FAM53B: variants seen among roughly 807,000 people sequenced by gnomAD.
The protein encoded by FAM53B is protein FAM53B.
FAM53B carries 12 observed loss-of-function variants against 32.7 expected under a neutral mutation model. The ratio of observed to expected loss-of-function variants is 0.37; its 90% CI spans 0.24 to 0.59. FAM53B has a LOEUF of 0.59. FAM53B is among the 20% of genes least tolerant of loss of function. The probability of loss-of-function intolerance (pLI) is 0.72; values close to 1 mark genes in which losing one functional copy is unlikely to be tolerated. For missense variants in FAM53B, 477 were observed against 577.7 expected, an observed-to-expected ratio of 0.83 and a Z score of 1.79; for synonymous variants, 234 against 228.7, an observed-to-expected ratio of 1.02 and a Z score of -0.21.
intron 1 of FAM53B, chr10:124,742,337 A>G (rs551587175): frequency 6.6e-6 from 1 of 152,362 alleles, no homozygotes. Flanking sequence ...CTGCAATTCA[A>G]TATCAAAACT....
At chr10:124,644,079 G>A (rs1949495167) in intron 4 of FAM53B, among the ~76,000 whole-genome samples, 1 of 152,128 alleles carries the variant, frequency 6.6e-6, no homozygotes, top group East Asian at 1.9e-4. Context: ...CCCGGTGCCT[G>A]CTCCCAGGGC....
chr10:124,720,365 C>T (rs1450599362), intron 1 of FAM53B, among the ~76,000 whole-genome samples: 1 of 152,058 alleles, frequency 6.6e-6, no homozygotes, highest in Non-Finnish European at 1.5e-5. Context: ...ACTCAGGAGG[C>T]GGAAGCAAGA....
In FAM53B at chr10:124,623,098, TG is replaced by T; in HGVS notation, c.*143del. 1 of 1,095,664 alleles carries T rather than the reference TG, an allele frequency of 9.1e-7. No homozygotes were observed. The highest frequency in any genetic ancestry group is 1.3e-6 in the Non-Finnish European group (1 of 774,066). The allele number at this position is 1,095,664 out of a possible 1,614,324, so 67.9% of individuals were successfully genotyped here. ...GCCAGGCTCTCCCCCAGGCAGCAGG[TG>T]GGCTCCCTCTCTGGGACCCGACACC... On this transcript the variant is annotated 3_prime_UTR_variant, in exon 5 of 5. Coordinates refer to ENST00000337318, the MANE Select transcript of FAM53B (RefSeq NM_014661.4).
At chr10:124,661,640 C>T (rs1444426542) in intron 4 of FAM53B, among the ~76,000 whole-genome samples, 1 of 152,218 alleles carries the variant, frequency 6.6e-6, no homozygotes, top group Non-Finnish European at 1.5e-5. Context: ...TTTTACTGTC[C>T]TCTGCCACCA....
chr10:124,723,759 T>C (rs542351882), intron 1 of FAM53B, among the ~76,000 whole-genome samples: 4 of 152,330 alleles, frequency 2.6e-5, no homozygotes, highest in South Asian at 4.1e-4. Context: ...GGAACCCCAG[T>C]GGGACAGGGA....
chr10:124,721,127 G>C (rs145964843), intron 1 of FAM53B, among the ~76,000 whole-genome samples: 1 of 152,216 alleles, frequency 6.6e-6, no homozygotes, highest in Non-Finnish European at 1.5e-5. Flanking sequence ...GCTTGAGTCC[G>C]AGAAGCGGAG....
At chr10:124,705,523 A>T (rs1160122509) in intron 2 of FAM53B, 1 of 152,302 alleles carries the variant, frequency 6.6e-6, no homozygotes, top group Non-Finnish European at 1.5e-5. Flanking sequence ...CATGGGCTTC[A>T]GCTGCGAGTT....
At chr10:124,704,603 G>A (rs145867108) in intron 2 of FAM53B, among the ~76,000 whole-genome samples, 5 of 152,300 alleles carry the variant, frequency 3.3e-5, no homozygotes, top group African/African-American at 4.8e-5. Context: ...GCAGGCTCAC[G>A]CTTGGCATAT....
At chr10:124,625,554 C>A (rs894398503) in intron 4 of FAM53B, among the ~76,000 whole-genome samples, 2 of 152,198 alleles carry the variant, frequency 1.3e-5, no homozygotes, top group Admixed American at 1.3e-4. Flanking sequence ...CTGGCCAGGC[C>A]TGGACGATGG....
intron 4 of FAM53B, among the ~76,000 whole-genome samples, chr10:124,644,172 A>G (rs1949495911): frequency 6.6e-6 from 1 of 152,086 alleles, no homozygotes; most frequent in South Asian, 2.1e-4. Flanking sequence ...CTTTGCAGCT[A>G]TTTGTCTACC....
At chr10:124,706,919 A>G in intron 1 of FAM53B, 32 bp from the exon 2 acceptor site, 1 of 1,423,320 alleles carries the variant, frequency 7.0e-7, no homozygotes, top group Non-Finnish European at 9.2e-7. Flanking sequence ...AAAAAGATTC[A>G]GGACTAAGAA....
At chr10:124,715,109 T>C (rs1368508393) in intron 1 of FAM53B, among the ~76,000 whole-genome samples, 1 of 152,236 alleles carries the variant, frequency 6.6e-6, no homozygotes, top group Non-Finnish European at 1.5e-5. Flanking sequence ...AAGTACTTGA[T>C]TTGTCAGCTA....
In FAM53B at chr10:124,664,973, C is replaced by T. The variant is rs541277759; in HGVS notation, c.906+16634G>A. Among the ~76,000 whole-genome samples, 30 of 152,344 alleles carry T rather than the reference C, an allele frequency of 2.0e-4. No individual in the cohort carries two copies. In the South Asian group the frequency reaches 5.6e-3, roughly 28 times the overall value. Reference sequence around the variant, plus strand: ...CTCCCCAAGGACAAACCTGACAAAGCTCCTTTTTCCCTGATGAACTTTCCC... The same window carrying T: ...CTCCCCAAGGACAAACCTGACAAAGTTCCTTTTTCCCTGATGAACTTTCCC... On this transcript the variant is annotated intron_variant, in intron 4 of 4. Coordinates refer to ENST00000337318, the MANE Select transcript of FAM53B (RefSeq NM_014661.4).
chr10:124,731,012 G>A (rs1173193379), intron 1 of FAM53B, among the ~76,000 whole-genome samples: 1 of 152,214 alleles, frequency 6.6e-6, no homozygotes, highest in Non-Finnish European at 1.5e-5. Context: ...TGTAGGCAGT[G>A]GGCCAGATTT....
At chr10:124,652,857 C>A in intron 4 of FAM53B, among the ~76,000 whole-genome samples, 1 of 152,140 alleles carries the variant, frequency 6.6e-6, no homozygotes, top group East Asian at 1.9e-4. Context: ...CAGGCTAGTC[C>A]CCAGGGCAGA....
At chr10:124,709,857 A>C (rs76387743) in intron 1 of FAM53B, among the ~76,000 whole-genome samples, 2 of 152,032 alleles carry the variant, frequency 1.3e-5, no homozygotes, top group African/African-American at 4.8e-5. Context: ...AAAAAAAAAA[A>C]ATAGAAGGAG....
intron 4 of FAM53B, among the ~76,000 whole-genome samples, chr10:124,624,628 G>A (rs751515905): frequency 3.3e-5 from 5 of 152,182 alleles, no homozygotes; most frequent in Non-Finnish European, 5.9e-5. Context: ...TGGGGCAGGA[G>A]GCAGCCTGGG....
In FAM53B at chr10:124,623,441, T is replaced by G. The variant is rs771184642; in HGVS notation, c.1070A>C (p.Glu357Ala). ...GTCGTCGAAGGAAGGGGGAAGAGGC[T>G]CAGGGACCGGGGTCCCAGCGGGGGT... ...GRTPAGTPVP[E>A]PLPPSFDDHL... Residue 357 changes from glutamate to alanine, a missense_variant, in exon 5 of 5, where the codon GAG becomes GCG. Transcript: ENST00000337318. 1 of 1,597,866 alleles carries G rather than the reference T, an allele frequency of 6.3e-7. No individual in the cohort carries two copies. Among genetic ancestry groups the G allele is most frequent in the Non-Finnish European group, 8.5e-7 (1 of 1,173,256 alleles).
chr10:124,698,616 G>C (rs1373482176), intron 2 of FAM53B, among the ~76,000 whole-genome samples: 1 of 152,102 alleles, frequency 6.6e-6, no homozygotes, highest in Admixed American at 6.5e-5. Flanking sequence ...GGACTTATCA[G>C]CATCTGCAGC....
Sources: allele counts gnomAD v4.1 joint callset (sites outside exome capture counted in the v4.1 genomes callset), GRCh38; gene constraint gnomAD v4.1.1; transcripts MANE v1.5; gene names NCBI Gene and HGNC (gene_info 2026-07-23, HGNC 2026-07-21).